Variants in CCNJL observed in about 807,000 individuals in gnomAD.
CCNJL encodes the protein cyclin-J-like protein.
In CCNJL, 33 loss-of-function variants were observed where a neutral mutation model predicts 33.4. That is an observed-to-expected ratio of 0.99 (90% confidence interval 0.75 to 1.32). CCNJL has a LOEUF of 1.32. CCNJL is among the 40% of genes most tolerant of loss of function. The pLI, the probability that CCNJL is intolerant of heterozygous loss-of-function variation, is 0.00. For synonymous variants in CCNJL, 227 were observed against 220.9 expected (o/e 1.03, Z -0.24); for missense variants, 512 against 499.7 (o/e 1.02, Z -0.23).
At chr5:160,258,103 C>A (rs764281804) in intron 4 of CCNJL, 4 of 285,014 alleles carry the variant, frequency 1.4e-5, no homozygotes, top group Non-Finnish European at 2.7e-5. Context: ...ACCTCAGCCT[C>A]CCAAAGTGCT....
intron 1 of CCNJL, among the ~76,000 whole-genome samples, chr5:160,337,624 GA>G (rs538238898): frequency 1.2e-4 from 18 of 152,094 alleles, no homozygotes; most frequent in Admixed American, 3.9e-4. Flanking sequence ...GTTGCATTGA[GA>G]ATGTCGGGGG....
chr5:160,320,793 CTTTCTTTCTTT>C (rs1763432634), intron 1 of CCNJL, among the ~76,000 whole-genome samples: 2 of 32,770 alleles, frequency 6.1e-5, no homozygotes, highest in South Asian at 1.5e-3. Flanking sequence ...TCTTTCCTTT[CTTTCTTTCTTT>C]CTTTCTTTCT....
At chr5:160,303,169 T>C (rs559433164) in intron 2 of CCNJL, among the ~76,000 whole-genome samples, 2 of 152,276 alleles carry the variant, frequency 1.3e-5, no homozygotes, top group East Asian at 3.9e-4. Flanking sequence ...ATATGGGAAA[T>C]AGATAAAGTG....
rs750209435 is a variant in CCNJL, at chr5:160,255,700, A to G, written c.592T>C (p.Phe198Leu). The change falls in exon 5 of 6, where the codon TTC (phenylalanine) becomes CTC (leucine). Residue 198 changes from phenylalanine (F) to leucine (L), a missense_variant. Physicochemically the swap from Phe to Leu is conservative, Grantham distance 22 (BLOSUM62 0). Transcript: ENST00000257536. ...FLEVTLQDHI[F>L]YKFQPSVVAA... ...ACCACAGAAGGCTGGAATTTGTAGAATATGTGATCTGAAAGAAAGCCACGG... is the reference window on the plus strand; with the variant it reads ...ACCACAGAAGGCTGGAATTTGTAGAGTATGTGATCTGAAAGAAAGCCACGG... 6.2e-7 allele frequency: 1 copy of G among 1,613,800 alleles called. No individual in the cohort carries two copies. Among genetic ancestry groups the G allele is most frequent in the Non-Finnish European group, 8.5e-7 (1 of 1,180,026 alleles).
intron 2 of CCNJL, among the ~76,000 whole-genome samples, chr5:160,288,752 C>A (rs1355483562): frequency 2.7e-5 from 4 of 150,062 alleles, no homozygotes; most frequent in African/African-American, 4.9e-5. Flanking sequence ...ATGGCATGAA[C>A]CCGGGGGGGC....
upstream of CCNJL, among the ~76,000 whole-genome samples, chr5:160,313,285 T>C (rs902595688): frequency 5.9e-5 from 9 of 152,258 alleles, no homozygotes; most frequent in Admixed American, 5.2e-4. Flanking sequence ...GGCTGATTGA[T>C]TTTTGTGATA....
intron 2 of CCNJL, among the ~76,000 whole-genome samples, chr5:160,300,371 C>T (rs1017060107): frequency 9.9e-5 from 15 of 152,158 alleles, no homozygotes; most frequent in African/African-American, 3.6e-4. Context: ...GCAGATGGGG[C>T]TCCATGAAGC....
intron 1 of CCNJL, among the ~76,000 whole-genome samples, chr5:160,335,789 G>A (rs1581025478): frequency 9.4e-6 from 1 of 105,894 alleles, no homozygotes; most frequent in African/African-American, 3.5e-5. Flanking sequence ...TTGCTTTGTT[G>A]TCCAAGCCAT....
At chr5:160,289,974 CA>C (rs1762529916) in intron 2 of CCNJL, among the ~76,000 whole-genome samples, 1 of 152,210 alleles carries the variant, frequency 6.6e-6, no homozygotes, top group African/African-American at 2.4e-5. Context: ...CCATACCTAT[CA>C]CTGCTGCATA....
At chr5:160,316,268 T>C (rs557956416), upstream of CCNJL, among the ~76,000 whole-genome samples, 49 of 152,284 alleles carry the variant, frequency 3.2e-4, no homozygotes, top group South Asian at 9.7e-3. Context: ...AGAAGAAGCA[T>C]TCATTAAGCC....
chr5:160,262,341 G>C (rs543375474), intron 3 of CCNJL, among the ~76,000 whole-genome samples: 52 of 152,288 alleles, frequency 3.4e-4, no homozygotes, highest in African/African-American at 1.2e-3. Context: ...AGGCCCAAGA[G>C]GATTATCCTC....
At chr5:160,292,534 T>C (rs544496715) in intron 2 of CCNJL, among the ~76,000 whole-genome samples, 5 of 152,104 alleles carry the variant, frequency 3.3e-5, no homozygotes, top group Admixed American at 3.3e-4. Context: ...GGTGAAAGGA[T>C]CATTTAAGCC....
chr5:160,318,074 T>C, intron 1 of CCNJL, among the ~76,000 whole-genome samples: 1 of 151,976 alleles, frequency 6.6e-6, no homozygotes, highest in Admixed American at 6.6e-5. Flanking sequence ...TGGAGTGCAG[T>C]AGCACAATCT....
chr5:160,305,166 T>A (rs990643051), intron 2 of CCNJL, among the ~76,000 whole-genome samples: 3 of 151,796 alleles, frequency 2.0e-5, no homozygotes, highest in African/African-American at 7.3e-5. Context: ...GTGGGGAAAT[T>A]TGAGGAATTT....
intron 1 of CCNJL, chr5:160,326,564 C>T (rs932693192): frequency 6.2e-6 from 2 of 324,276 alleles, no homozygotes; most frequent in Non-Finnish European, 1.2e-5. Context: ...AAAACGATTA[C>T]ACTGCCAATA....
intron 1 of CCNJL, among the ~76,000 whole-genome samples, 172 bp downstream of exon 1, chr5:160,312,192 G>T (rs1271317769): frequency 6.6e-6 from 1 of 152,248 alleles, no homozygotes; most frequent in Non-Finnish European, 1.5e-5. Context: ...ACAACTTGCA[G>T]AATTTTTATC....
rs1195911608 is a variant in CCNJL, at chr5:160,329,508, G to A, written n.206+9937C>T. Among the ~76,000 whole-genome samples the A allele has an allele frequency of 2.6e-5, 4 of 151,912 alleles. No individual in the cohort carries two copies. The East Asian group carries it at 5.8e-4, about 22-fold the overall frequency. Reference sequence around the variant, plus strand: ...TGGCACTACAGGCGCCCACCACCACGCCGGCTAATTTTTTGTATTTTTAGT... The same window carrying A: ...TGGCACTACAGGCGCCCACCACCACACCGGCTAATTTTTTGTATTTTTAGT... On this transcript the variant is annotated intron_variant and non_coding_transcript_variant, in intron 1 of 7. Coordinates refer to the CCNJL transcript ENST00000377503.
At chr5:160,261,409 A>T (rs970516255) in intron 3 of CCNJL, 1 of 152,338 alleles carries the variant, frequency 6.6e-6, no homozygotes, top group African/African-American at 2.4e-5. Flanking sequence ...AGTTTACAGC[A>T]AGCACACATT....
chr5:160,279,105 T>A (rs1299772975), intron 3 of CCNJL, among the ~76,000 whole-genome samples: 1 of 152,200 alleles, frequency 6.6e-6, no homozygotes, highest in Non-Finnish European at 1.5e-5. Flanking sequence ...TCTAAATCTG[T>A]GCTTCCGGAA....
Sources: allele counts gnomAD v4.1 joint callset (sites outside exome capture counted in the v4.1 genomes callset), GRCh38; gene constraint gnomAD v4.1.1; transcripts MANE v1.5; gene names NCBI Gene and HGNC (gene_info 2026-07-23, HGNC 2026-07-21).